Variants in TLN2 observed in about 807,000 individuals in gnomAD.
The protein encoded by TLN2 is talin 2, also known as talin-2.
Under a neutral mutation model 294.7 loss-of-function variants are expected in TLN2, and 118 were observed. That is an observed-to-expected ratio of 0.40 (90% confidence interval 0.34 to 0.47). The LOEUF is 0.47. Ranked by LOEUF, TLN2 falls within the 20% of genes least tolerant of loss-of-function variation. The pLI is 0.84. For missense variants in TLN2, 3,083 were observed against 3,282.2 expected (o/e 0.94, Z 1.48); for synonymous variants, 1,431 against 1,304.5 (o/e 1.10, Z -2.09).
intron 1 of TLN2, among the ~76,000 whole-genome samples, chr15:62,576,324 G>A (rs1448511421): frequency 6.6e-6 from 1 of 152,032 alleles, no homozygotes; most frequent in Admixed American, 6.6e-5. Flanking sequence ...TCATTTATGG[G>A]GAGATGATAT....
chr15:62,494,384 A>G (rs1156877947), intron 1 of TLN2, among the ~76,000 whole-genome samples: 1 of 152,018 alleles, frequency 6.6e-6, no homozygotes, highest in East Asian at 1.9e-4. Context: ...CAGGCCAGGG[A>G]TTTGTACATG....
At chr15:62,547,943 G>A (rs1402648429) in intron 1 of TLN2, among the ~76,000 whole-genome samples, 1 of 152,146 alleles carries the variant, frequency 6.6e-6, no homozygotes, top group African/African-American at 2.4e-5. Context: ...GGTCTAAATC[G>A]CATTTTGCAT....
chr15:62,559,148 C>T (rs2042772341), intron 1 of TLN2, among the ~76,000 whole-genome samples: 1 of 152,162 alleles, frequency 6.6e-6, no homozygotes, highest in African/African-American at 2.4e-5. Context: ...GAGGAGTCCT[C>T]CAGCAGCCTG....
chr15:62,603,066 G>C (rs113785866), intron 2 of TLN2, among the ~76,000 whole-genome samples: 8,417 of 151,564 alleles, frequency 0.056, 335 homozygotes, highest in Non-Finnish European at 0.078. Context: ...CTAATTTTTT[G>C]CATTTTTAGT....
At chr15:62,593,386 TGTTTCA>T (rs1391431018) in intron 2 of TLN2, among the ~76,000 whole-genome samples, 7 of 152,238 alleles carry the variant, frequency 4.6e-5, no homozygotes, top group Non-Finnish European at 8.8e-5. Context: ...GCTTAGTAAA[TGTTTCA>T]GAACAACAAT....
At chr15:62,722,987 A>G (rs2060237465) in intron 26 of TLN2, among the ~76,000 whole-genome samples, 1 of 152,226 alleles carries the variant, frequency 6.6e-6, no homozygotes, top group South Asian at 2.1e-4. Context: ...CACCTTAACA[A>G]GGTCTTCAAG....
rs751766438 is a variant in TLN2, at chr15:62,711,951, A to C, written c.2508A>C (p.Thr836=). 1 of 1,614,018 alleles carries C rather than the reference A, an allele frequency of 6.2e-7. No homozygotes were observed. The highest frequency in any genetic ancestry group is 8.5e-7 in the Non-Finnish European group (1 of 1,179,868). ...AGGCGCGGGTTCTGGCCCAAGCCAC[A>C]TCAGACCTCGTCAATGCCATGAGGT... is the stretch of plus-strand genomic sequence containing the variant. ...VRQARVLAQA[T]SDLVNAMRSD... Residue 836 remains threonine, a synonymous_variant, in exon 22 of 59, where the codon ACA becomes ACC. Transcript: ENST00000636159.
At position 62,740,551 on chromosome 15, in the gene TLN2, A is replaced by T. The variant is rs1246611724; in HGVS notation, c.3886-79A>T. On this transcript the variant is annotated intron_variant, in intron 31 of 58. Coordinates refer to ENST00000636159, the MANE Select transcript of TLN2 (RefSeq NM_015059.3). ...ACGGATAACCTGCCTGCATGTCAGG[A>T]TGCTGCTCCTAGCTCTCTGAATGCC... The T allele has an allele frequency of 1.9e-6, 3 of 1,583,862 alleles. No individual in the cohort carries two copies. In the South Asian group the frequency reaches 3.5e-5, roughly 18 times the overall value.
rs904541554 is a variant in TLN2 at position 62,697,862 on chromosome 15, G to A, written c.1467G>A (p.Pro489=). Residue 489 remains proline, a synonymous_variant, in exon 15 of 59, where the codon CCG becomes CCA. Transcript: ENST00000636159. ...GGCAGATGCACCGAGGCCACATGCC[G>A]CCACTGGTGAGGCTTCCTGTGCTCG... ...MVGQMHRGHM[P]PLTSAQQALM... The A allele has an allele frequency of 9.9e-6, 16 of 1,611,660 alleles. No homozygotes were observed. Among genetic ancestry groups the A allele is most frequent in the Middle Eastern group, 1.8e-4 (1 of 5,676 alleles).
intron 1 of TLN2, among the ~76,000 whole-genome samples, chr15:62,541,931 G>T (rs1199845191): frequency 6.6e-6 from 1 of 151,106 alleles, no homozygotes. Context: ...TTGCTATATT[G>T]TGGATTATTT....
At chr15:62,482,574 C>T (rs1305888773) in intron 1 of TLN2, among the ~76,000 whole-genome samples, 1 of 142,150 alleles carries the variant, frequency 7.0e-6, no homozygotes, top group Non-Finnish European at 1.5e-5. Context: ...CGCACTCCAG[C>T]CTGGACAACA....
At chr15:62,606,328 C>T (rs984586339) in intron 2 of TLN2, among the ~76,000 whole-genome samples, 4 of 151,148 alleles carry the variant, frequency 2.6e-5, no homozygotes, top group African/African-American at 4.9e-5. Context: ...TGACCTCAGG[C>T]GATCCACCCA....
At chr15:62,784,941 T>C (rs2064515634) in intron 45 of TLN2, 2 of 152,226 alleles carry the variant, frequency 1.3e-5, no homozygotes, top group South Asian at 4.1e-4. Flanking sequence ...AGTATGTTTT[T>C]ACAGAGACTC....
intron 1 of TLN2, among the ~76,000 whole-genome samples, chr15:62,512,526 A>G (rs2039983785): frequency 6.6e-6 from 1 of 152,192 alleles, no homozygotes; most frequent in Non-Finnish European, 1.5e-5. Context: ...GCCCTTTAAG[A>G]TACTTATAGT....
intron 58 of TLN2, 96 bp downstream of exon 58, chr15:62,839,077 T>C (rs2070241181): frequency 2.7e-6 from 4 of 1,476,668 alleles, no homozygotes; most frequent in Non-Finnish European, 3.7e-6. Flanking sequence ...GAAAGTTTAT[T>C]TCTTCCTCGT....
chr15:62,706,461 C>G (rs538316278), intron 19 of TLN2, among the ~76,000 whole-genome samples: 1 of 152,294 alleles, frequency 6.6e-6, no homozygotes, highest in Admixed American at 6.5e-5. Context: ...TAATTCCTAC[C>G]CAGAAGGCTG....
chr15:62,826,336 T>C (rs2068196728), intron 54 of TLN2, among the ~76,000 whole-genome samples: 1 of 152,228 alleles, frequency 6.6e-6, no homozygotes, highest in Admixed American at 6.5e-5. Flanking sequence ...GGTGCGGACC[T>C]TTTCCAGCAG....
intron 9 of TLN2, among the ~76,000 whole-genome samples, chr15:62,670,446 T>C (rs2055261742): frequency 6.6e-6 from 1 of 152,238 alleles, no homozygotes; most frequent in African/African-American, 2.4e-5. Context: ...CAATTCTCTC[T>C]GAATCATTCA....
At chr15:62,649,991 C>T in intron 4 of TLN2, 93 bp from the exon 5 acceptor site, 2 of 1,243,024 alleles carry the variant, frequency 1.6e-6, no homozygotes, top group Non-Finnish European at 2.3e-6. Flanking sequence ...AGAACACCCA[C>T]ATCCTTGCTG....
Sources: gnomAD v4.1 joint callset for allele counts (sites outside exome capture counted in the v4.1 genomes callset) on GRCh38, gnomAD v4.1.1 for gene constraint, MANE v1.5 for transcripts, NCBI Gene and HGNC (gene_info 2026-07-23, HGNC 2026-07-21) for gene names.